The following PDE9A variants were observed in gnomAD, a reference collection of about 807,000 sequenced individuals.
The protein encoded by PDE9A is phosphodiesterase 9A.
Under a neutral mutation model 87.4 loss-of-function variants are expected in PDE9A, and 60 were observed. That is an observed-to-expected ratio of 0.69 (90% confidence interval 0.56 to 0.85). The LOEUF is 0.85. Among genes scored for constraint, PDE9A ranks in the 40% least tolerant of loss-of-function variants. The probability of loss-of-function intolerance (pLI) is 0.00; values close to 1 mark genes in which losing one functional copy is unlikely to be tolerated. For missense variants in PDE9A, 665 were observed against 779.0 expected (o/e 0.85, Z 1.74); for synonymous variants, 272 against 279.4 (o/e 0.97, Z 0.27).
In PDE9A at chr21:42,758,956, G is replaced by T. The variant is rs376367835; in HGVS notation, c.811-43G>T. On this transcript the variant is annotated intron_variant, in intron 10 of 19. Transcript: ENST00000291539. The stretch of plus-strand genomic sequence containing the variant: ...AAGGAAGCCAGGGGCTGGGGAGCCG[G>T]CCACACAACTGCCCAGTGCCTATCC... 2.7e-6 allele frequency: 4 copies of T among 1,476,408 alleles called. No homozygotes were observed. In the African/African-American group the frequency reaches 4.2e-5, roughly 15 times the overall value. 91.5% of individuals were successfully genotyped at this position (1,476,408 alleles called of 1,614,324 possible).
chr21:42,656,986 A>G (rs1011850773), intron 1 of PDE9A, among the ~76,000 whole-genome samples: 13 of 152,232 alleles, frequency 8.5e-5, no homozygotes, highest in East Asian at 1.9e-4. Context: ...GCTGGGGTCC[A>G]TGGGAAGCTG....
At chr21:42,774,158 A>G (rs977835144) in intron 19 of PDE9A, among the ~76,000 whole-genome samples, 11 of 152,304 alleles carry the variant, frequency 7.2e-5, no homozygotes, top group African/African-American at 2.6e-4. Context: ...TAAATAAACA[A>G]TAAATAAGGT....
chr21:42,686,824 A>G (rs1255189066), intron 2 of PDE9A, among the ~76,000 whole-genome samples: 2 of 152,124 alleles, frequency 1.3e-5, no homozygotes, highest in Non-Finnish European at 2.9e-5. Context: ...CAAAATAAAT[A>G]AATAAATAAA....
intron 14 of PDE9A, among the ~76,000 whole-genome samples, chr21:42,765,126 AATGG>A (rs1240087805): frequency 2.7e-5 from 4 of 149,774 alleles, no homozygotes; most frequent in Non-Finnish European, 5.9e-5. Context: ...TGGATGGATA[AATGG>A]ATGGAAGGGC....
At chr21:42,674,316 C>CTT (rs34238765) in intron 1 of PDE9A, among the ~76,000 whole-genome samples, 3,677 of 134,560 alleles carry the variant, frequency 0.027, 208 homozygotes, top group African/African-American at 0.083. Context: ...TTTAGACATT[C>CTT]TTTTTTTTTT....
At chr21:42,669,688 GT>G (rs1470778167) in intron 1 of PDE9A, among the ~76,000 whole-genome samples, 1 of 152,194 alleles carries the variant, frequency 6.6e-6, no homozygotes, top group Non-Finnish European at 1.5e-5. Context: ...TCGGGCCTCA[GT>G]TTCAACATCA....
intron 15 of PDE9A, 71 bp from the exon 16 acceptor site, chr21:42,768,117 C>A: frequency 1.1e-6 from 1 of 922,814 alleles, no homozygotes; most frequent in Non-Finnish European, 1.8e-6. Flanking sequence ...ATGGCAAGTC[C>A]AGACCCGAGC....
chr21:42,740,794 T>C (rs1322315156), intron 7 of PDE9A, among the ~76,000 whole-genome samples: 2 of 151,490 alleles, frequency 1.3e-5, no homozygotes, highest in Non-Finnish European at 2.9e-5. Context: ...GATAGATAGA[T>C]AGATAAACAG....
chr21:42,731,082 C>G (rs1416678382), intron 4 of PDE9A, among the ~76,000 whole-genome samples: 1 of 152,168 alleles, frequency 6.6e-6, no homozygotes, highest in African/African-American at 2.4e-5. Context: ...CTCAGCCTCC[C>G]GAGTACCTGG....
chr21:42,717,237 T>G (rs1444554671), intron 4 of PDE9A, among the ~76,000 whole-genome samples: 1 of 151,516 alleles, frequency 6.6e-6, no homozygotes, highest in Admixed American at 6.6e-5. Flanking sequence ...TTAATGTTTC[T>G]TGCAGTGCAT....
chr21:42,730,603 T>G (rs545204513), intron 4 of PDE9A, among the ~76,000 whole-genome samples: 136 of 152,346 alleles, frequency 8.9e-4, no homozygotes, highest in African/African-American at 3.2e-3. Flanking sequence ...CAATATGTTT[T>G]CAAAAGCAGG....
At chr21:42,753,126 G>A (rs771529855) in intron 9 of PDE9A, among the ~76,000 whole-genome samples, 1 of 152,024 alleles carries the variant, frequency 6.6e-6, no homozygotes, top group East Asian at 1.9e-4. Context: ...CCCACCTCAG[G>A]CTCCCAAGTA....
intron 4 of PDE9A, chr21:42,724,480 G>C: frequency 2.4e-6 from 1 of 408,212 alleles, no homozygotes; most frequent in South Asian, 1.0e-4. Flanking sequence ...CCCACTTCCT[G>C]ATCAGGGCTC....
chr21:42,670,056 TACACATTC>T (rs939467661), intron 1 of PDE9A, among the ~76,000 whole-genome samples: 1 of 151,690 alleles, frequency 6.6e-6, no homozygotes, highest in African/African-American at 2.4e-5. Flanking sequence ...CACACACACT[TACACATTC>T]ACACACTCAC....
chr21:42,715,188 CTTTT>C (rs369972172), intron 4 of PDE9A, among the ~76,000 whole-genome samples: 9 of 104,654 alleles, frequency 8.6e-5, no homozygotes, highest in East Asian at 8.5e-4. Flanking sequence ...TGCATCTTTA[CTTTT>C]TTTTTTTTTT....
At chr21:42,703,717 C>T (rs1041753395) in intron 4 of PDE9A, among the ~76,000 whole-genome samples, 1 of 152,212 alleles carries the variant, frequency 6.6e-6, no homozygotes, top group Non-Finnish European at 1.5e-5. Context: ...CCGGCAAAGG[C>T]TGCTGGCCTT....
chr21:42,677,079 T>G (rs1237667979), intron 1 of PDE9A, among the ~76,000 whole-genome samples: 1 of 152,192 alleles, frequency 6.6e-6, no homozygotes, highest in African/African-American at 2.4e-5. Flanking sequence ...CAGGCTGCCC[T>G]TCTCTCCTGC....
chr21:42,670,763 A>C (rs1397130745), intron 1 of PDE9A, among the ~76,000 whole-genome samples: 1 of 151,874 alleles, frequency 6.6e-6, no homozygotes, highest in Non-Finnish European at 1.5e-5. Context: ...TCACATTCAC[A>C]CGCACATACA....
At position 42,726,622 on chromosome 21, in the gene PDE9A, A is replaced by ATT. The variant is rs1445924271; in HGVS notation, c.263-5147_263-5146insTT. 7.9e-3 allele frequency among the ~76,000 whole-genome samples: 199 copies of ATT among 25,190 alleles called. 4 individuals are homozygous for ATT. The highest frequency in any genetic ancestry group is 9.0e-3 in the Non-Finnish European group (145 of 16,180). 16.5% of individuals were successfully genotyped at this position (25,190 alleles called of 152,430 possible). A position where few individuals can be genotyped will look rare whatever the true frequency, so the allele number is the denominator to read the frequency against. On this transcript the variant is annotated intron_variant, in intron 4 of 19. Coordinates refer to ENST00000291539, the MANE Select transcript of PDE9A (RefSeq NM_002606.3). The stretch of plus-strand genomic sequence containing the variant: ...TATATATATATATATATATATATAT[A>ATT]TATTTTTTTTTTTTTTTTTGTAGAG...
Sources: gnomAD v4.1 joint callset for allele counts (sites outside exome capture counted in the v4.1 genomes callset) on GRCh38, gnomAD v4.1.1 for gene constraint, MANE v1.5 for transcripts, NCBI Gene and HGNC (gene_info 2026-07-23, HGNC 2026-07-21) for gene names.